The following REPS1 variants were observed in gnomAD, a reference collection of about 807,000 sequenced individuals.
The protein encoded by REPS1 is RALBP1 associated Eps domain containing 1.
REPS1 carries 39 observed loss-of-function variants against 100.9 expected under a neutral mutation model. The observed-to-expected ratio is 0.39, with a 90% confidence interval of 0.30 to 0.50. REPS1 has a LOEUF of 0.50. Ranked by LOEUF, REPS1 falls within the 20% of genes least tolerant of loss-of-function variation. REPS1 has a pLI of 0.86. For missense variants in REPS1, 821 were observed against 968.5 expected, an observed-to-expected ratio of 0.85 and a Z score of 2.02; for synonymous variants, 324 against 340.3, an observed-to-expected ratio of 0.95 and a Z score of 0.53.
intron 1 of REPS1, among the ~76,000 whole-genome samples, chr6:138,976,060 A>G (rs1784586084): frequency 1.3e-5 from 2 of 152,208 alleles, no homozygotes; most frequent in Non-Finnish European, 2.9e-5. Context: ...TTTCTATGGA[A>G]TATAATGAAG....
intron 8 of REPS1, among the ~76,000 whole-genome samples, chr6:138,936,180 G>A (rs921401767): frequency 7.9e-5 from 12 of 151,936 alleles, no homozygotes; most frequent in Non-Finnish European, 1.5e-4. Context: ...TTACTAATCC[G>A]CTGAATTTGA....
At chr6:138,921,235 C>T (rs1780733742) in intron 10 of REPS1, 111 bp from the exon 11 acceptor site, 1 of 655,556 alleles carries the variant, frequency 1.5e-6, no homozygotes, top group Non-Finnish European at 2.6e-6. Context: ...TTCCCATTTA[C>T]ACTAAGGCAG....
At chr6:138,949,688 T>C (rs993931956) in intron 1 of REPS1, among the ~76,000 whole-genome samples, 2 of 151,590 alleles carry the variant, frequency 1.3e-5, no homozygotes, top group Non-Finnish European at 2.9e-5. Flanking sequence ...ATCATGCCAC[T>C]GCCCTCCAGA....
rs1012706279 is a variant in REPS1, at chr6:138,918,106, T to C, written c.1529-479A>G. 2.6e-5 allele frequency among the ~76,000 whole-genome samples: 4 copies of C among 152,056 alleles called. 1 individual carries two copies. The highest frequency in any genetic ancestry group is 2.1e-4 in the South Asian group (1 of 4,810). ...GTGTGTGTATGTTTGTGTGTGTGTGTGTGCGTGTGTATATTTTTTTGGGGG... is the reference window on the plus strand; with the variant it reads ...GTGTGTGTATGTTTGTGTGTGTGTGCGTGCGTGTGTATATTTTTTTGGGGG... On this transcript the variant is annotated intron_variant, in intron 12 of 19. Transcript: ENST00000450536.
rs759831398 is a variant in REPS1 at position 138,920,258 on chromosome 6, A to G, written c.1485T>C (p.Asn495=). ...LVKPSDLLEE[N]KINSSVKFAS... ...CGAATTTCACCGATGAATTTATCTTATTTTCTTCTAAAAGGTCAGATGGTT... is the reference window on the plus strand; with the variant it reads ...CGAATTTCACCGATGAATTTATCTTGTTTTCTTCTAAAAGGTCAGATGGTT... The change falls in exon 12 of 20, where the codon AAT becomes AAC. Residue 495 remains asparagine, a synonymous_variant. Transcript: ENST00000450536. The G allele has an allele frequency of 2.5e-6, 4 of 1,603,198 alleles. No homozygotes were observed. In the Admixed American group the frequency reaches 6.7e-5, roughly 27 times the overall value.
chr6:138,910,363 T>C (rs1039223767), intron 17 of REPS1, among the ~76,000 whole-genome samples: 2 of 152,158 alleles, frequency 1.3e-5, no homozygotes, highest in African/African-American at 4.8e-5. Flanking sequence ...TAAACCTCTT[T>C]TCTTTTTTTG....
intron 7 of REPS1, among the ~76,000 whole-genome samples, chr6:138,941,775 C>T (rs370214459): frequency 6.6e-6 from 1 of 152,084 alleles, no homozygotes; most frequent in East Asian, 1.9e-4. Flanking sequence ...AAAGAATGAC[C>T]TATAATTCAC....
intron 8 of REPS1, among the ~76,000 whole-genome samples, chr6:138,932,716 T>C (rs554845736): frequency 6.6e-6 from 1 of 152,200 alleles, no homozygotes; most frequent in Non-Finnish European, 1.5e-5. Context: ...GAACACCATT[T>C]TTCCTGAAAG....
At chr6:138,915,173 C>T in intron 14 of REPS1, 1 of 171,956 alleles carries the variant, frequency 5.8e-6, no homozygotes, top group Non-Finnish European at 1.2e-5. Flanking sequence ...TCTGCCCTAA[C>T]TTTTCTATTT....
chr6:138,969,269 ATTTT>A (rs71013004), intron 1 of REPS1, among the ~76,000 whole-genome samples: 168 of 74,238 alleles, frequency 2.3e-3, no homozygotes, highest in Middle Eastern at 0.012. Flanking sequence ...CAAAGCTGTA[ATTTT>A]TTTTTTTTTT....
At chr6:138,955,457 A>AAAGTGTGTGTGTGTGTGTGTGTGT in intron 1 of REPS1, among the ~76,000 whole-genome samples, 1 of 90,734 alleles carries the variant, frequency 1.1e-5, no homozygotes, top group African/African-American at 5.1e-5. Context: ...AAAAAAAAAA[A>AAAGTGTGTGTGTGTGTGTGTGTGT]GTGTGTGTGT....
intron 1 of REPS1, among the ~76,000 whole-genome samples, chr6:138,977,177 G>C (rs994824682): frequency 6.6e-6 from 1 of 152,156 alleles, no homozygotes; most frequent in Non-Finnish European, 1.5e-5. Flanking sequence ...TCTAATTTTA[G>C]AATTTTTCTA....
chr6:138,932,516 TATGA>T (rs1388785518), intron 8 of REPS1, among the ~76,000 whole-genome samples: 1 of 151,762 alleles, frequency 6.6e-6, no homozygotes, highest in Non-Finnish European at 1.5e-5. Context: ...TGATCTCACT[TATGA>T]ATGTTCATGA....
In REPS1 at chr6:138,946,087, A is replaced by G. The variant is rs1782594763; in HGVS notation, c.278-390T>C. 2.0e-5 allele frequency among the ~76,000 whole-genome samples: 3 copies of G among 152,212 alleles called. No individual in the cohort carries two copies. The South Asian group carries it at 6.2e-4, about 32-fold the overall frequency. ...GTCATGCTTGTAGTAACTGACAGTT[A>G]AGATATAAACCTAGATCAGTCAGAC... On this transcript the variant is annotated intron_variant, in intron 2 of 19. Transcript: ENST00000450536.
chr6:138,919,810 C>T (rs769912827), intron 12 of REPS1, among the ~76,000 whole-genome samples: 2 of 152,124 alleles, frequency 1.3e-5, no homozygotes, highest in Non-Finnish European at 2.9e-5. Context: ...TATTTTTTAT[C>T]TCCCTTTTAT....
chr6:138,974,502 C>A (rs1784496159), intron 1 of REPS1, among the ~76,000 whole-genome samples: 1 of 152,120 alleles, frequency 6.6e-6, no homozygotes, highest in Non-Finnish European at 1.5e-5. Context: ...ATAGCTAAAA[C>A]CTCTTATATT....
At chr6:138,959,368 A>G (rs1037091445) in intron 1 of REPS1, among the ~76,000 whole-genome samples, 7 of 152,190 alleles carry the variant, frequency 4.6e-5, no homozygotes, top group African/African-American at 1.2e-4. Context: ...CTGAATCACA[A>G]AACAAAAAAA....
intron 1 of REPS1, among the ~76,000 whole-genome samples, chr6:138,987,096 A>C (rs1785306805): frequency 6.6e-6 from 1 of 152,144 alleles, no homozygotes. Context: ...TATAGAACTC[A>C]CTTTATCACG....
intron 7 of REPS1, among the ~76,000 whole-genome samples, chr6:138,942,600 C>A (rs1182495673): frequency 6.6e-6 from 1 of 152,056 alleles, no homozygotes; most frequent in East Asian, 1.9e-4. Flanking sequence ...CACCACCACA[C>A]CTTGCTAATT....
Sources: gnomAD v4.1 joint callset for allele counts (sites outside exome capture counted in the v4.1 genomes callset) on GRCh38, gnomAD v4.1.1 for gene constraint, MANE v1.5 for transcripts, NCBI Gene and HGNC (gene_info 2026-07-23, HGNC 2026-07-21) for gene names.